Variants in CLK1 observed in about 807,000 individuals in gnomAD.
CLK1 encodes CDC like kinase 1, also known as dual specificity protein kinase CLK1.
A neutral mutation model predicts 60.9 loss-of-function variants in CLK1; 40 were observed. The observed-to-expected ratio is 0.66, with a 90% CI of 0.51 to 0.86. The LOEUF (loss-of-function observed/expected upper bound fraction) is 0.86, where lower values mean the gene tolerates loss of function less well. Among genes scored for constraint, CLK1 ranks in the 40% least tolerant of loss-of-function variants. CLK1 has a pLI of 0.00. For missense variants in CLK1, 563 were observed against 606.1 expected, an observed-to-expected ratio of 0.93 and a Z score of 0.75; for synonymous variants, 203 against 184.4, an observed-to-expected ratio of 1.10 and a Z score of -0.82.
At chr2:200,864,316 C>G in intron 1 of CLK1, 1 of 1,438,768 alleles carries the variant, frequency 7.0e-7, no homozygotes, top group Non-Finnish European at 9.1e-7. Context: ...AGGGCAGAAG[C>G]TCCAAGAGGG....
At chr2:200,854,045 A>G (rs765515577) in intron 11 of CLK1, 52 bp from the exon 12 acceptor site, 3 of 1,219,410 alleles carry the variant, frequency 2.5e-6, no homozygotes, top group South Asian at 2.5e-5. Flanking sequence ...AACTTAAAAC[A>G]GCTAGCAAAG....
intron 9 of CLK1, 98 bp from the exon 10 acceptor site, chr2:200,855,184 A>C: frequency 2.3e-6 from 2 of 885,822 alleles, no homozygotes; most frequent in Non-Finnish European, 3.5e-6. Context: ...AAAAAAACAC[A>C]TGTAATGTAG....
At chr2:200,855,383 G>A (rs906111045) in intron 9 of CLK1, among the ~76,000 whole-genome samples, 1 of 152,046 alleles carries the variant, frequency 6.6e-6, no homozygotes, top group Admixed American at 6.6e-5. Flanking sequence ...AGCCCTTTGG[G>A]AGGCTGAGGC....
intron 11 of CLK1, 152 bp from the exon 12 acceptor site, chr2:200,854,145 A>C (rs2038998739): frequency 3.8e-6 from 2 of 532,096 alleles, no homozygotes; most frequent in Admixed American, 7.5e-5. Flanking sequence ...GCACCAAGGT[A>C]ATCTACTATT....
At chr2:200,864,324 G>A (rs970980852) in intron 1 of CLK1, 2 of 1,423,916 alleles carry the variant, frequency 1.4e-6, no homozygotes, top group South Asian at 1.5e-5. Flanking sequence ...AGCTCCAAGA[G>A]GGCGGCCGGC....
At position 200,861,338 on chromosome 2, in the gene CLK1, T is replaced by C. The variant is rs2039134413; in HGVS notation, c.290A>G (p.Tyr97Cys). Residue 97 changes from tyrosine (Y) to cysteine (C), a missense_variant, in exon 3 of 13, where the codon TAT becomes TGT. This residue lies in a region of CLK1 where 198 missense variants were observed against 179.2 expected (regional missense o/e 1.10). Coordinates refer to ENST00000321356, the MANE Select transcript of CLK1 (RefSeq NM_004071.4). ...AGAAGACTTGCTACTATGGTTCTGA[T>C]ACCGGCTTTCATGGTCTCTTTGGCG... is the stretch of plus-strand genomic sequence containing the variant. ...GHRQRDHESR[Y>C]QNHSSKSSGR... 3 of 1,614,110 alleles carry C rather than the reference T, an allele frequency of 1.9e-6. No homozygotes were observed. The highest frequency in any genetic ancestry group is 1.7e-6 in the Non-Finnish European group (2 of 1,180,044).
At position 200,857,108 on chromosome 2, in the gene CLK1, C is replaced by A. The variant is rs10427276; in HGVS notation, c.833-123G>T. On this transcript the variant is annotated intron_variant, in intron 7 of 12. Coordinates refer to ENST00000321356, the MANE Select transcript of CLK1 (RefSeq NM_004071.4). ...ATCACCTGAGGTCAGGAGTTCGAGA[C>A]CAGCCTGACCAATATGGTGAAACCC... The A allele has an allele frequency of 6.8e-3, 4,866 of 719,208 alleles. 170 individuals are homozygous for A. In the African/African-American group the frequency reaches 0.075, roughly 11 times the overall value. The allele number at this position is 719,208 out of a possible 1,614,324, so 44.6% of individuals were successfully genotyped here.
intron 7 of CLK1, chr2:200,857,295 G>A (rs917987865): frequency 5.1e-5 from 15 of 296,006 alleles, no homozygotes; most frequent in Non-Finnish European, 9.4e-5. Context: ...AACAAAGCGA[G>A]ACTCCATTTC....
chr2:200,857,797 G>A lies in CLK1; in HGVS notation c.753C>T (p.Phe251=). ...FELLGLSTYD[F]IKENGFLPFR... is the part of the protein sequence containing the mutation. ...ATGGTAGAAAACCATTTTCTTTAAT[G>A]AAGTCGTAAGTACTAAGTCCCAATA... Residue 251 remains phenylalanine (F), a synonymous_variant, in exon 7 of 13, where the codon TTC becomes TTT. Coordinates refer to ENST00000321356, the MANE Select transcript of CLK1 (RefSeq NM_004071.4). 1 of 1,613,328 alleles carries A rather than the reference G, an allele frequency of 6.2e-7. No homozygotes were observed. The highest frequency in any genetic ancestry group is 2.2e-5 in the East Asian group (1 of 44,864).
rs1575074774 is a variant in CLK1 at position 200,854,108 on chromosome 2, C to T, written c.1221-115G>A. 5 of 628,660 alleles carry T rather than the reference C, an allele frequency of 8.0e-6. No individual in the cohort carries two copies. The East Asian group carries it at 1.6e-4, about 20-fold the overall frequency. 38.9% of individuals were successfully genotyped at this position (628,660 alleles called of 1,614,324 possible). The stretch of plus-strand genomic sequence containing the variant: ...ACTTTTCTAGAGATTTAAATGGCAG[C>T]CATGGGATAGAAATGTTACCTGCTT... On this transcript the variant is annotated intron_variant, in intron 11 of 12. Transcript: ENST00000321356.
At position 200,861,285 on chromosome 2, in the gene CLK1, T is replaced by A; in HGVS notation, c.343A>T (p.Ser115Cys). The change falls in exon 3 of 13, where the codon AGC (serine) becomes TGC (cysteine). Residue 115 changes from serine (S) to cysteine (C), a missense_variant. This residue lies in a region of CLK1 where 198 missense variants were observed against 179.2 expected (regional missense o/e 1.10). Coordinates refer to ENST00000321356, the MANE Select transcript of CLK1 (RefSeq NM_004071.4). The part of the protein sequence containing the change: ...SGRSGRSSYK[S>C]KHRIHHSTSH... ...GTACTGTGGTGAATCCTGTGTTTGC[T>A]TTTATAACTACTTCTTCCACTTCTA... The A allele has an allele frequency of 6.2e-7, 1 of 1,614,196 alleles. No individual in the cohort carries two copies. Among genetic ancestry groups the A allele is most frequent in the Non-Finnish European group, 8.5e-7 (1 of 1,180,028 alleles).
chr2:200,857,791 T>A lies in CLK1; in HGVS notation c.759A>T (p.Lys253Asn), dbSNP rs1405206020. 2 of 1,613,546 alleles carry A rather than the reference T, an allele frequency of 1.2e-6. No individual in the cohort carries two copies. Among genetic ancestry groups the A allele is most frequent in the African/African-American group, 2.7e-5 (2 of 74,928 alleles). ...LLGLSTYDFIKENGFLPFRLD... is the reference protein window; with the variant it reads ...LLGLSTYDFINENGFLPFRLD... ...GTCGAAATGGTAGAAAACCATTTTC[T>A]TTAATGAAGTCGTAAGTACTAAGTC... The change falls in exon 7 of 13, where the codon AAA becomes AAT. Residue 253 changes from lysine (K) to asparagine (N), a missense_variant. Physicochemically the swap from Lys to Asn is moderately conservative, Grantham distance 94. Around this residue, in one of 3 missense-constraint regions of CLK1, gnomAD observed 360 missense variants for 407.0 expected, o/e 0.88. Transcript: ENST00000321356.
At chr2:200,859,224 T>C (rs922315203) in intron 5 of CLK1, among the ~76,000 whole-genome samples, 2 of 152,108 alleles carry the variant, frequency 1.3e-5, no homozygotes, top group Admixed American at 1.3e-4. Flanking sequence ...TAAACATACA[T>C]AATTAAACTT....
chr2:200,860,993 C>T (rs1030215796), intron 3 of CLK1: 43 of 1,289,726 alleles, frequency 3.3e-5, no homozygotes, highest in Non-Finnish European at 4.0e-5. Flanking sequence ...TAAATTAAAT[C>T]AATTAACTCC....
At chr2:200,863,789 G>A (rs570512727) in intron 1 of CLK1, among the ~76,000 whole-genome samples, 7 of 152,238 alleles carry the variant, frequency 4.6e-5, no homozygotes, top group African/African-American at 1.7e-4. Flanking sequence ...GGGAGGCGGA[G>A]GCTGCAGTGA....
chr2:200,854,890 A>G (rs2039013753), intron 10 of CLK1, 114 bp downstream of exon 10: 8 of 832,686 alleles, frequency 9.6e-6, no homozygotes, highest in Non-Finnish European at 1.6e-5. Context: ...GAATTAGTTT[A>G]TTTATGCTTA....
At chr2:200,857,582 A>C (rs924405577) in intron 7 of CLK1, 136 bp downstream of exon 7, 7 of 670,490 alleles carry the variant, frequency 1.0e-5, no homozygotes, top group Non-Finnish European at 1.7e-5. Context: ...AACAGCCTGT[A>C]ATCAAATCTC....
chr2:200,854,551 AT>A, intron 11 of CLK1, 64 bp downstream of exon 11: 16 of 952,304 alleles, frequency 1.7e-5, no homozygotes, highest in Non-Finnish European at 2.1e-5. Flanking sequence ...AAAAAAAAAA[AT>A]TAAGTTCTAA....
Position 200,857,715 on chromosome 2 carries a change from T to C in CLK1, c.832+3A>G. ...AATTAACGAAGATATACCAAGAACT[T>C]ACAATTCACAGACTTGCATATCTGA... On this transcript the variant is annotated splice_donor_region_variant and intron_variant, in intron 7 of 12. Transcript: ENST00000321356. The C allele has an allele frequency of 6.3e-7, 1 of 1,581,198 alleles. No individual in the cohort carries two copies. Among genetic ancestry groups the C allele is most frequent in the Middle Eastern group, 1.7e-4 (1 of 5,908 alleles).
Sources: gnomAD v4.1 joint callset for allele counts (sites outside exome capture counted in the v4.1 genomes callset) on GRCh38, gnomAD v4.1.1 for gene constraint, gnomAD v4.1.1 regional missense constraint, MANE v1.5 for transcripts, NCBI Gene and HGNC (gene_info 2026-07-23, HGNC 2026-07-21) for gene names.